The following WIPI2 variants were observed in gnomAD, a reference collection of about 807,000 sequenced individuals.
WIPI2 encodes WD repeat domain, phosphoinositide interacting 2.
A neutral mutation model predicts 52.3 loss-of-function variants in WIPI2; 28 were observed. The ratio of observed to expected loss-of-function variants is 0.54; its 90% CI spans 0.40 to 0.73. The LOEUF is 0.73. Among genes scored for constraint, WIPI2 ranks in the 30% least tolerant of loss-of-function variants. The probability of loss-of-function intolerance (pLI) is 0.00; values close to 1 mark genes in which losing one functional copy is unlikely to be tolerated. For missense variants in WIPI2, 506 were observed against 602.9 expected (o/e 0.84, Z 1.68); for synonymous variants, 268 against 245.0 (o/e 1.09, Z -0.88).
intron 3 of WIPI2, among the ~76,000 whole-genome samples, chr7:5,211,187 C>T (rs1365575257): frequency 2.0e-5 from 3 of 152,120 alleles, no homozygotes; most frequent in South Asian, 2.1e-4. Flanking sequence ...AATCTTTTCC[C>T]GAGGCTGGGA....
At chr7:5,197,236 T>A (rs1273325315) in intron 2 of WIPI2, among the ~76,000 whole-genome samples, 1 of 151,954 alleles carries the variant, frequency 6.6e-6, no homozygotes, top group Non-Finnish European at 1.5e-5. Flanking sequence ...TCATCCCTTG[T>A]TTTAAGGACA....
intron 1 of WIPI2, 143 bp from the exon 2 acceptor site, chr7:5,192,975 C>T (rs2115190049): frequency 8.4e-6 from 6 of 713,640 alleles, no homozygotes; most frequent in East Asian, 2.7e-5. Flanking sequence ...TGTTACATAC[C>T]AAACTATAAC....
At chr7:5,226,860 A>C (rs1783460570) in intron 9 of WIPI2, 1 of 253,880 alleles carries the variant, frequency 3.9e-6, no homozygotes, top group Non-Finnish European at 7.4e-6. Flanking sequence ...ACAGAGACCT[A>C]GCAGGGGTCA....
intron 12 of WIPI2, among the ~76,000 whole-genome samples, 191 bp downstream of exon 12, chr7:5,229,929 C>CTTTTTT (rs548650698): frequency 1.1e-3 from 158 of 137,898 alleles, no homozygotes; most frequent in Middle Eastern, 7.7e-3. Flanking sequence ...GTTTCGTTTC[C>CTTTTTT]TTTTTTTTTT....
rs548650698 is a variant in WIPI2, at chr7:5,229,929, CTT to C, written c.1252+208_1252+209del. Among the ~76,000 whole-genome samples, 702 of 137,802 alleles carry C rather than the reference CTT, an allele frequency of 5.1e-3. 1 individual carries two copies. Among genetic ancestry groups the C allele is most frequent in the Non-Finnish European group, 6.7e-3 (426 of 63,818 alleles). The allele number at this position is 137,802 out of a possible 152,430, so 90.4% of individuals were successfully genotyped here. A position where few individuals can be genotyped will look rare whatever the true frequency, so the allele number is the denominator to read the frequency against. On this transcript the variant is annotated intron_variant, in intron 12 of 12. Transcript: ENST00000288828. ...TCAAGGCTGAATTCAGTTTCGTTTCCTTTTTTTTTTTTTTTTTTAAAGGAGAG... is the reference window on the plus strand; with the variant it reads ...TCAAGGCTGAATTCAGTTTCGTTTCCTTTTTTTTTTTTTTTTAAAGGAGAG...
At chr7:5,196,917 G>C (rs905616663) in intron 2 of WIPI2, among the ~76,000 whole-genome samples, 2 of 151,864 alleles carry the variant, frequency 1.3e-5, no homozygotes, top group Non-Finnish European at 2.9e-5. Flanking sequence ...TTCAAGACCA[G>C]CCTGGCCAAC....
At chr7:5,216,815 G>A in intron 5 of WIPI2, 156 bp downstream of exon 5, 2 of 753,944 alleles carry the variant, frequency 2.7e-6, no homozygotes, top group South Asian at 3.6e-5. Flanking sequence ...ACTGATGCTG[G>A]TCATGTGACC....
chr7:5,218,262 CAG>C, intron 7 of WIPI2: 1 of 437,546 alleles, frequency 2.3e-6, no homozygotes, highest in Non-Finnish European at 4.2e-6. Context: ...CCAGAGGAGA[CAG>C]AAGTGCCGTG....
intron 3 of WIPI2, chr7:5,214,159 A>C: frequency 3.2e-3 from 1,873 of 590,258 alleles, no homozygotes; most frequent in Non-Finnish European, 4.3e-3. Context: ...ACCCAGGGGA[A>C]GCAATTGCAG....
In WIPI2 at chr7:5,216,398, C is replaced by T. The variant is rs552475712; in HGVS notation, c.382-165C>T. On this transcript the variant is annotated intron_variant, in intron 4 of 12. Transcript: ENST00000288828. ...AGTGAGCCGAGATCACACCACTGCACTCCAGCCCGGGTGACACAGCGAGAC... is the reference window on the plus strand; with the variant it reads ...AGTGAGCCGAGATCACACCACTGCATTCCAGCCCGGGTGACACAGCGAGAC... 1.1e-3 allele frequency: 615 copies of T among 560,286 alleles called. 8 individuals carry two copies. The highest frequency in any genetic ancestry group is 6.3e-3 in the South Asian group (270 of 43,166). The allele number at this position is 560,286 out of a possible 1,614,324, so 34.7% of individuals were successfully genotyped here.
At chr7:5,222,074 C>T (rs1412849695) in intron 7 of WIPI2, among the ~76,000 whole-genome samples, 6 of 151,726 alleles carry the variant, frequency 4.0e-5, no homozygotes, top group Admixed American at 3.9e-4. Context: ...CTCAGCCTCC[C>T]GAGTAGTTGG....
At chr7:5,213,121 C>T (rs1164170594) in intron 3 of WIPI2, 4 of 151,528 alleles carry the variant, frequency 2.6e-5, no homozygotes, top group South Asian at 2.1e-4. Flanking sequence ...TCCTGGAAGA[C>T]GGTGGCCGCT....
chr7:5,196,021 G>C (rs147883857), intron 2 of WIPI2, among the ~76,000 whole-genome samples: 2 of 150,994 alleles, frequency 1.3e-5, no homozygotes, highest in African/African-American at 4.9e-5. Context: ...CTGGGCAACA[G>C]AGCAAGACTC....
At chr7:5,196,529 A>G (rs1027673940) in intron 2 of WIPI2, among the ~76,000 whole-genome samples, 43 of 152,138 alleles carry the variant, frequency 2.8e-4, no homozygotes, top group African/African-American at 1.0e-3. Flanking sequence ...TCAGCTTCCA[A>G]ATATCTGAAC....
At chr7:5,213,200 A>G (rs900870999) in intron 3 of WIPI2, 2 of 152,132 alleles carry the variant, frequency 1.3e-5, no homozygotes, top group Non-Finnish European at 2.9e-5. Flanking sequence ...CGACCCTGCC[A>G]CCATCTCCCC....
In WIPI2 at chr7:5,203,797, G is replaced by A. The variant is rs564779244; in HGVS notation, c.211+4139G>A. 4.6e-5 allele frequency among the ~76,000 whole-genome samples: 7 copies of A among 151,806 alleles called. No homozygotes were observed. The South Asian group carries it at 8.3e-4, about 18-fold the overall frequency. On this transcript the variant is annotated intron_variant, in intron 3 of 12. Coordinates refer to ENST00000288828, the MANE Select transcript of WIPI2 (RefSeq NM_015610.4). ...TGCCCGGCTGATTTTTTTTGTGTGT[G>A]TATTTTTAGTAGAGACAGGGTTTCA...
chr7:5,220,824 C>T lies in WIPI2; in HGVS notation c.670-1778C>T, dbSNP rs370039185. ...TTCTTTCTTTTTTTTGAGACAGAGT[C>T]TCTCTGTAGCCCAAGCTGGAGTGCA... On this transcript the variant is annotated intron_variant, in intron 7 of 12. Coordinates refer to ENST00000288828, the MANE Select transcript of WIPI2 (RefSeq NM_015610.4). Among the ~76,000 whole-genome samples the T allele has an allele frequency of 4.0e-5, 6 of 151,886 alleles. 1 individual carries two copies. Among genetic ancestry groups the T allele is most frequent in the African/African-American group, 9.7e-5 (4 of 41,428 alleles).
rs1383849273 is a variant in WIPI2 at position 5,231,673 on chromosome 7, C to G, written c.*726C>G. ...GAAAGGTTGCCTGGACTCGCTGGAG[C>G]AAAGGAAAGCGATTTTGTTTGTATA... On this transcript the variant is annotated 3_prime_UTR_variant, in exon 13 of 13. Coordinates refer to ENST00000288828, the MANE Select transcript of WIPI2 (RefSeq NM_015610.4). 6.6e-6 allele frequency: 1 copy of G among 152,380 alleles called. No homozygotes were observed. The highest frequency in any genetic ancestry group is 1.5e-5 in the Non-Finnish European group (1 of 68,316). The allele number at this position is 152,380 out of a possible 1,614,324, so 9.4% of individuals were successfully genotyped here.
Position 5,231,543 on chromosome 7 carries a change from C to G in WIPI2, c.*596C>G, listed in dbSNP as rs982548643. 1 of 152,186 alleles carries G rather than the reference C, an allele frequency of 6.6e-6. No individual in the cohort carries two copies. Among genetic ancestry groups the G allele is most frequent in the Non-Finnish European group, 1.5e-5 (1 of 68,080 alleles). The allele number at this position is 152,186 out of a possible 1,614,324, so 9.4% of individuals were successfully genotyped here. A position where few individuals can be genotyped will look rare whatever the true frequency, so the allele number is the denominator to read the frequency against. On this transcript the variant is annotated 3_prime_UTR_variant, in exon 13 of 13. Transcript: ENST00000288828. ...AAATTGGATCGCTCTGGGATTTCTT[C>G]CATGGTGGACTTTTGTTTCTGATCT...
Sources: gnomAD v4.1 joint callset for allele counts (sites outside exome capture counted in the v4.1 genomes callset) on GRCh38, gnomAD v4.1.1 for gene constraint, MANE v1.5 for transcripts, NCBI Gene and HGNC (gene_info 2026-07-23, HGNC 2026-07-21) for gene names.